Variants in STK32C observed in about 807,000 individuals in gnomAD.
STK32C encodes the protein serine/threonine kinase 32C, also known as serine/threonine-protein kinase 32C.
STK32C carries 31 observed loss-of-function variants against 56.5 expected under a neutral mutation model. The ratio of observed to expected loss-of-function variants is 0.55; its 90% CI spans 0.41 to 0.74. The LOEUF (loss-of-function observed/expected upper bound fraction) is 0.74, where lower values mean the gene tolerates loss of function less well. STK32C is among the 30% of genes least tolerant of loss of function. STK32C has a pLI of 0.00. For missense variants in STK32C, 544 were observed against 676.9 expected, an observed-to-expected ratio of 0.80 and a Z score of 2.18; for synonymous variants, 309 against 289.4, an observed-to-expected ratio of 1.07 and a Z score of -0.69.
At chr10:132,265,964 C>A (rs1447131399) in intron 1 of STK32C, among the ~76,000 whole-genome samples, 1 of 152,208 alleles carries the variant, frequency 6.6e-6, no homozygotes, top group Non-Finnish European at 1.5e-5. Flanking sequence ...CATACACTTG[C>A]TGTGCCACCC....
At chr10:132,224,631 CA>C in intron 7 of STK32C, 108 bp from the exon 8 acceptor site, 1 of 782,992 alleles carries the variant, frequency 1.3e-6, no homozygotes, top group South Asian at 1.5e-5. Flanking sequence ...CCCCCCACCC[CA>C]AGTGCAGGCA....
intron 1 of STK32C, among the ~76,000 whole-genome samples, chr10:132,281,382 A>G (rs1231118433): frequency 6.6e-6 from 1 of 152,190 alleles, no homozygotes; most frequent in African/African-American, 2.4e-5. Flanking sequence ...ATTAAAAAAC[A>G]AAAGCCTGTT....
chr10:132,251,854 G>A (rs112982007), intron 1 of STK32C, among the ~76,000 whole-genome samples: 5,053 of 93,632 alleles, frequency 0.054, 8 homozygotes, highest in East Asian at 0.16. Context: ...AATGCCCTAC[G>A]CCTCCTGGGG....
chr10:132,246,099 C>T, intron 1 of STK32C, 144 bp from the exon 2 acceptor site: 1 of 804,738 alleles, frequency 1.2e-6, no homozygotes, highest in East Asian at 2.6e-5. Flanking sequence ...GGGCCAAACT[C>T]TCGCTCCTGT....
At chr10:132,249,419 G>C (rs1455837326) in intron 1 of STK32C, among the ~76,000 whole-genome samples, 4 of 152,172 alleles carry the variant, frequency 2.6e-5, no homozygotes, top group Non-Finnish European at 5.9e-5. Context: ...AGGAATCCTG[G>C]ATGTGGCTCC....
chr10:132,266,432 A>C (rs1565127174), intron 1 of STK32C, among the ~76,000 whole-genome samples: 1 of 152,146 alleles, frequency 6.6e-6, no homozygotes, highest in East Asian at 1.9e-4. Context: ...CAAAACATCA[A>C]TCTGCATACT....
intron 1 of STK32C, among the ~76,000 whole-genome samples, chr10:132,260,664 T>C (rs1044529991): frequency 2.0e-5 from 3 of 152,218 alleles, no homozygotes; most frequent in African/African-American, 7.2e-5. Context: ...CACCCCACTA[T>C]TCTGCACCCA....
Position 132,209,018 on chromosome 10 carries a change from C to T in STK32C, c.1319+16G>A, listed in dbSNP as rs771794670. 3.7e-6 allele frequency: 6 copies of T among 1,610,476 alleles called. No individual in the cohort carries two copies. The highest frequency in any genetic ancestry group is 1.7e-4 in the Middle Eastern group (1 of 6,054). ...TCCTCTCTGCCACCACGCCCACCCACCCCCAACACACTCACTTTTCTCTGT... is the reference window on the plus strand; with the variant it reads ...TCCTCTCTGCCACCACGCCCACCCATCCCCAACACACTCACTTTTCTCTGT... On this transcript the variant is annotated intron_variant, in intron 11 of 11. Transcript: ENST00000298630.
intron 1 of STK32C, among the ~76,000 whole-genome samples, chr10:132,254,300 A>G (rs999111025): frequency 2.0e-5 from 3 of 152,050 alleles, no homozygotes; most frequent in Non-Finnish European, 4.4e-5. Context: ...AAAGGGCGAA[A>G]CTCCATCAGG....
At chr10:132,329,360 G>A (rs2066585041) in intron 1 of STK32C, among the ~76,000 whole-genome samples, 1 of 151,808 alleles carries the variant, frequency 6.6e-6, no homozygotes, top group Non-Finnish European at 1.5e-5. Context: ...GCTACAGTGA[G>A]CCGAGATCAC....
intron 1 of STK32C, among the ~76,000 whole-genome samples, chr10:132,264,818 C>T (rs1015526320): frequency 1.3e-5 from 2 of 152,198 alleles, no homozygotes; most frequent in Non-Finnish European, 2.9e-5. Context: ...GCGGGACAGT[C>T]GCTCATGGCA....
intron 10 of STK32C, among the ~76,000 whole-genome samples, chr10:132,220,171 G>A (rs2062590290): frequency 6.6e-6 from 1 of 152,262 alleles, no homozygotes; most frequent in South Asian, 2.1e-4. Flanking sequence ...GGATCAGGGT[G>A]GGCCCTAAAT....
chr10:132,216,716 C>G (rs570131895), intron 10 of STK32C, among the ~76,000 whole-genome samples: 30 of 152,334 alleles, frequency 2.0e-4, no homozygotes, highest in Admixed American at 6.5e-4. Context: ...TGCATCCCAG[C>G]TGCTCCAGCC....
chr10:132,331,838 G>GC, upstream of STK32C: 3 of 1,495,504 alleles, frequency 2.0e-6, no homozygotes, highest in Non-Finnish European at 2.7e-6. Flanking sequence ...CCGCGGGCGC[G>GC]GAAAAACGGA....
intron 10 of STK32C, among the ~76,000 whole-genome samples, chr10:132,209,823 T>A (rs754800046): frequency 4.6e-5 from 7 of 151,958 alleles, no homozygotes; most frequent in Non-Finnish European, 1.0e-4. Context: ...CAAGTCACAG[T>A]GAAAAGTGCA....
chr10:132,280,405 C>T (rs1301204128), intron 1 of STK32C, among the ~76,000 whole-genome samples: 1 of 137,716 alleles, frequency 7.3e-6, no homozygotes, highest in Non-Finnish European at 1.6e-5. Flanking sequence ...TGATCACGCA[C>T]CTCCACCCCC....
intron 10 of STK32C, among the ~76,000 whole-genome samples, chr10:132,220,646 T>A (rs1270994352): frequency 1.3e-5 from 2 of 152,086 alleles, no homozygotes; most frequent in South Asian, 2.1e-4. Flanking sequence ...TCTACCACCA[T>A]CACAATAGGA....
chr10:132,291,252 G>T (rs2065555211), intron 1 of STK32C, among the ~76,000 whole-genome samples: 1 of 152,206 alleles, frequency 6.6e-6, no homozygotes, highest in African/African-American at 2.4e-5. Flanking sequence ...TTTGGCACAG[G>T]TTTCCTGCGA....
Position 132,228,134 on chromosome 10 carries a change from G to A in STK32C, c.319-6C>T. 1 of 1,613,946 alleles carries A rather than the reference G, an allele frequency of 6.2e-7. No individual in the cohort carries two copies. The highest frequency in any genetic ancestry group is 8.5e-7 in the Non-Finnish European group (1 of 1,180,028). ...CGCTTCTGCACAATGCACACCTGGA[G>A]GGCACAGGGCTGTTCGGCAGGACGC... On this transcript the variant is annotated splice_polypyrimidine_tract_variant and splice_region_variant and intron_variant, in intron 2 of 11. Coordinates refer to ENST00000298630, the MANE Select transcript of STK32C (RefSeq NM_173575.4).
Sources: gnomAD v4.1 joint callset for allele counts (sites outside exome capture counted in the v4.1 genomes callset) on GRCh38, gnomAD v4.1.1 for gene constraint, MANE v1.5 for transcripts, NCBI Gene and HGNC (gene_info 2026-07-23, HGNC 2026-07-21) for gene names.